Variants in N4BP2 observed in about 807,000 individuals in gnomAD.
The protein encoded by N4BP2 is NEDD4 binding protein 2.
In N4BP2, 91 loss-of-function variants were observed where a neutral mutation model predicts 152.8. That is an observed-to-expected ratio of 0.60 (90% CI 0.50 to 0.71). The LOEUF (loss-of-function observed/expected upper bound fraction) is 0.71. Ranked by LOEUF, N4BP2 falls within the 30% of genes least tolerant of loss-of-function variation. N4BP2 has a pLI of 0.00. For missense variants in N4BP2, 1,923 were observed against 2,059.1 expected, an observed-to-expected ratio of 0.93 and a Z score of 1.28; for synonymous variants, 646 against 705.3, an observed-to-expected ratio of 0.92 and a Z score of 1.33.
chr4:40,142,938 A>C (rs1159657605), intron 15 of N4BP2, 77 bp downstream of exon 15: 2 of 1,174,554 alleles, frequency 1.7e-6, no homozygotes, highest in Non-Finnish European at 2.5e-6. Context: ...AGACACCCAT[A>C]TTGTGACTAG....
intron 1 of N4BP2, among the ~76,000 whole-genome samples, chr4:40,067,410 T>G (rs1711637078): frequency 1.3e-5 from 2 of 151,678 alleles, no homozygotes; most frequent in African/African-American, 4.9e-5. Flanking sequence ...GTACCACATT[T>G]TTTTTTTTAT....
intron 2 of N4BP2, among the ~76,000 whole-genome samples, chr4:40,079,592 C>G (rs1411940316): frequency 1.3e-5 from 2 of 151,928 alleles, no homozygotes; most frequent in East Asian, 3.8e-4. Context: ...TCATGTTAAC[C>G]CTGAATTTTA....
At chr4:40,077,671 C>G (rs1429840458) in intron 2 of N4BP2, among the ~76,000 whole-genome samples, 1 of 152,042 alleles carries the variant, frequency 6.6e-6, no homozygotes, top group African/African-American at 2.4e-5. Flanking sequence ...CCAGGCTAGT[C>G]TTGAACTTCT....
At chr4:40,168,805 A>G in the N4BP2 span, among the ~76,000 whole-genome samples, 2 of 151,300 alleles carry the variant, frequency 1.3e-5, no homozygotes, top group South Asian at 4.2e-4. Context: ...GCTTACTGCA[A>G]CCTCCACCTC....
intron 16 of N4BP2, among the ~76,000 whole-genome samples, chr4:40,149,164 G>C (rs559267212): frequency 6.6e-6 from 1 of 152,328 alleles, no homozygotes; most frequent in South Asian, 2.1e-4. Context: ...ACTTGCATAT[G>C]AATGTCTGCA....
intron 2 of N4BP2, among the ~76,000 whole-genome samples, chr4:40,086,269 G>A (rs1285941056): frequency 6.6e-6 from 1 of 151,630 alleles, no homozygotes; most frequent in South Asian, 2.1e-4. Flanking sequence ...CCAGGAGTTT[G>A]AGACCAGCCT....
intron 5 of N4BP2, among the ~76,000 whole-genome samples, chr4:40,110,233 G>C (rs1375446045): frequency 1.3e-5 from 2 of 152,194 alleles, no homozygotes; most frequent in Non-Finnish European, 2.9e-5. Flanking sequence ...ATAGACATTT[G>C]AGTTGTTTTC....
In N4BP2 at chr4:40,133,480, C is replaced by T. The variant is rs143510315; in HGVS notation, c.4646+1561C>T. On this transcript the variant is annotated intron_variant, in intron 13 of 17. Transcript: ENST00000261435. ...CCTCCTAAGTAGCAGGGATTACAGG[C>T]GCACACCACTACGCCTGGCTAATTT... Among the ~76,000 whole-genome samples, 403 of 152,094 alleles carry T rather than the reference C, an allele frequency of 2.6e-3. 1 individual carries two copies. The highest frequency in any genetic ancestry group is 4.5e-3 in the Non-Finnish European group (306 of 67,980).
At chr4:40,145,588 T>G (rs1720439981) in intron 16 of N4BP2, among the ~76,000 whole-genome samples, 1 of 152,196 alleles carries the variant, frequency 6.6e-6, no homozygotes, top group African/African-American at 2.4e-5. Context: ...AGAGAAACTT[T>G]AAGAGCCGTT....
At chr4:40,080,771 C>T (rs1713278403) in intron 2 of N4BP2, among the ~76,000 whole-genome samples, 10 of 152,018 alleles carry the variant, frequency 6.6e-5, no homozygotes, top group Admixed American at 6.6e-4. Flanking sequence ...CATTCTGCTG[C>T]CTCAGCCTCC....
chr4:40,148,100 G>A (rs1174976760), intron 16 of N4BP2, among the ~76,000 whole-genome samples: 1 of 152,220 alleles, frequency 6.6e-6, no homozygotes, highest in Non-Finnish European at 1.5e-5. Context: ...CAGGGCAGGC[G>A]GCTGGGAGGT....
chr4:40,128,609 C>G (rs1718639303), intron 12 of N4BP2, among the ~76,000 whole-genome samples: 1 of 151,268 alleles, frequency 6.6e-6, no homozygotes, highest in Non-Finnish European at 1.5e-5. Context: ...CACACTGCAA[C>G]CTCCACCTCC....
At chr4:40,132,531 A>G (rs1718992869) in intron 13 of N4BP2, among the ~76,000 whole-genome samples, 1 of 152,168 alleles carries the variant, frequency 6.6e-6, no homozygotes, top group African/African-American at 2.4e-5. Flanking sequence ...CAGTAATTCT[A>G]CATCTCCAAA....
intron 12 of N4BP2, among the ~76,000 whole-genome samples, chr4:40,130,657 T>C (rs1718828129): frequency 6.6e-6 from 1 of 152,160 alleles, no homozygotes; most frequent in African/African-American, 2.4e-5. Flanking sequence ...CCATCACACC[T>C]GGCCAGCTTT....
chr4:40,145,027 G>T (rs1016699451), intron 16 of N4BP2, among the ~76,000 whole-genome samples: 1 of 152,106 alleles, frequency 6.6e-6, no homozygotes, highest in Non-Finnish European at 1.5e-5. Flanking sequence ...ATTTATTAAC[G>T]GGAGGGCATG....
chr4:40,163,088 C>G (rs1210001338), downstream of N4BP2, among the ~76,000 whole-genome samples: 1 of 151,804 alleles, frequency 6.6e-6, no homozygotes, highest in Non-Finnish European at 1.5e-5. Context: ...AGTTATCTGC[C>G]AAATTGTTTG....
the N4BP2 span, among the ~76,000 whole-genome samples, chr4:40,172,639 G>A: frequency 1.3e-5 from 2 of 152,188 alleles, no homozygotes; most frequent in Non-Finnish European, 2.9e-5. Context: ...TAGCCCTGCT[G>A]ACACTTCGAT....
chr4:40,121,183 T>C lies in N4BP2; in HGVS notation c.3072T>C (p.Leu1024=), dbSNP rs1385518904. 4.3e-6 allele frequency: 7 copies of C among 1,614,092 alleles called. No homozygotes were observed. Among genetic ancestry groups the C allele is most frequent in the African/African-American group, 1.3e-5 (1 of 75,044 alleles). ...CTQTEPQDFA[L]LWKIEKNKIS... ...AGACTGAACCACAGGATTTTGCTCT[T>C]TTATGGAAAATAGAAAAGAATAAAA... is the stretch of plus-strand genomic sequence containing the variant. Residue 1024 remains leucine (L), a synonymous_variant, in exon 9 of 18, where the codon CTT becomes CTC. Coordinates refer to ENST00000261435, the MANE Select transcript of N4BP2 (RefSeq NM_018177.6).
chr4:40,120,258 CAGAT>C lies in N4BP2; in HGVS notation c.2150_2153del (p.Asp717ValfsTer38). On this transcript the variant is annotated frameshift_variant, in exon 9 of 18. Coordinates refer to ENST00000261435, the MANE Select transcript of N4BP2 (RefSeq NM_018177.6). LOFTEE classifies it high-confidence loss of function. ...GTAAAAGGGTATAGTAAAACTGACA[CAGAT>C]AGTTCTATGGAGAGAGTATCACCTA... 6.2e-7 allele frequency: 1 copy of C among 1,613,874 alleles called. No individual in the cohort carries two copies. Among genetic ancestry groups the C allele is most frequent in the South Asian group, 1.1e-5 (1 of 91,076 alleles).
Sources: gnomAD v4.1 joint callset for allele counts (sites outside exome capture counted in the v4.1 genomes callset) on GRCh38, gnomAD v4.1.1 for gene constraint, MANE v1.5 for transcripts, NCBI Gene and HGNC (gene_info 2026-07-23, HGNC 2026-07-21) for gene names.